EPHA5: variants seen among roughly 807,000 people sequenced by gnomAD.
The protein encoded by EPHA5 is ephrin type-A receptor 5.
Under a neutral mutation model 105.0 loss-of-function variants are expected in EPHA5, and 60 were observed. That is an observed-to-expected ratio of 0.57 (90% CI 0.46 to 0.71). The LOEUF (loss-of-function observed/expected upper bound fraction) is 0.71, where lower values mean the gene tolerates loss of function less well. EPHA5 is among the 30% of genes least tolerant of loss of function. The probability of loss-of-function intolerance (pLI) is 0.00; values close to 1 mark genes in which losing one functional copy is unlikely to be tolerated. For missense variants in EPHA5, 1,218 were observed against 1,274.7 expected (o/e 0.96, Z 0.68); for synonymous variants, 513 against 449.1 (o/e 1.14, Z -1.80).
intron 3 of EPHA5, among the ~76,000 whole-genome samples, chr4:65,574,631 T>TATATATATACATATATATATACAC (rs1176951291): frequency 1.8e-4 from 15 of 81,632 alleles, no homozygotes; most frequent in Middle Eastern, 7.8e-3. Context: ...TATATACACA[T>TATATATATACATATATATATACAC]ATATATATAC....
chr4:65,496,608 T>A (rs1486554967), intron 3 of EPHA5, among the ~76,000 whole-genome samples: 2 of 151,556 alleles, frequency 1.3e-5, no homozygotes, highest in African/African-American at 2.4e-5. Context: ...ATGTGCCACA[T>A]TTTCTTAATC....
At chr4:65,580,324 G>C (rs183733589) in intron 3 of EPHA5, among the ~76,000 whole-genome samples, 24 of 151,886 alleles carry the variant, frequency 1.6e-4, no homozygotes, top group Admixed American at 8.5e-4. Context: ...CTAATTAACA[G>C]TACTAATTAA....
intron 3 of EPHA5, chr4:65,573,719 G>A: frequency 6.3e-7 from 1 of 1,598,906 alleles, no homozygotes; most frequent in Non-Finnish European, 8.5e-7. Context: ...AGAAGGAGAA[G>A]GTTCTTGCAA....
chr4:65,400,277 T>A (rs1055929239), intron 8 of EPHA5, among the ~76,000 whole-genome samples: 2 of 152,186 alleles, frequency 1.3e-5, no homozygotes, highest in African/African-American at 4.8e-5. Flanking sequence ...AATTTCAATA[T>A]GCTGTGCATA....
intron 3 of EPHA5, among the ~76,000 whole-genome samples, chr4:65,505,277 G>T (rs181483621): frequency 6.6e-6 from 1 of 151,926 alleles, no homozygotes; most frequent in Non-Finnish European, 1.5e-5. Flanking sequence ...ATAGAAAAAA[G>T]ATATCTATCT....
At chr4:65,457,581 A>G (rs545524100) in intron 5 of EPHA5, among the ~76,000 whole-genome samples, 14 of 152,112 alleles carry the variant, frequency 9.2e-5, no homozygotes, top group African/African-American at 2.9e-4. Context: ...GGTGTCAAGA[A>G]CTCAAAATTT....
rs1577793336 is a variant in EPHA5 at position 65,319,713 on chromosome 4, C to T, written c.*4401G>A. The T allele has an allele frequency of 4.4e-6, 1 of 226,418 alleles. No homozygotes were observed. The highest frequency in any genetic ancestry group is 8.8e-6 in the Non-Finnish European group (1 of 113,766). The allele number at this position is 226,418 out of a possible 1,614,324, so 14.0% of individuals were successfully genotyped here. On this transcript the variant is annotated 3_prime_UTR_variant, in exon 17 of 17. Transcript: ENST00000613740. The stretch of plus-strand genomic sequence containing the variant: ...ATCCTTCTTTGAATTAACTGTGAGA[C>T]AGGAACTTGAGATAGCCTGATGTAT...
chr4:65,331,828 T>C (rs1720645675), intron 16 of EPHA5, 145 bp downstream of exon 16: 12 of 1,370,924 alleles, frequency 8.8e-6, no homozygotes, highest in Non-Finnish European at 1.1e-5. Context: ...TTGTTAACAA[T>C]ACAGGCTAAA....
In EPHA5 at chr4:65,343,500, T is replaced by C. The variant is rs565038826; in HGVS notation, c.2595+4554A>G. ...GTGGCAAAGCCCTTTAAGAATCAGA[T>C]AGCATCTGGAATGTAGAGATTATGG... On this transcript the variant is annotated intron_variant, in intron 14 of 16. Coordinates refer to ENST00000613740, the MANE Select transcript of EPHA5 (RefSeq NM_001281766.3). Among the ~76,000 whole-genome samples, 8 of 152,246 alleles carry C rather than the reference T, an allele frequency of 5.3e-5. No individual in the cohort carries two copies. In the South Asian group the frequency reaches 1.4e-3, roughly 28 times the overall value.
chr4:65,524,186 T>C (rs1183140840), intron 3 of EPHA5, among the ~76,000 whole-genome samples: 1 of 151,814 alleles, frequency 6.6e-6, no homozygotes, highest in Non-Finnish European at 1.5e-5. Context: ...AGCACTATAA[T>C]GTAAACATGT....
chr4:65,534,686 TA>T (rs1264411091), intron 3 of EPHA5, among the ~76,000 whole-genome samples: 7 of 152,184 alleles, frequency 4.6e-5, no homozygotes, highest in African/African-American at 1.7e-4. Context: ...TGATCTCAGA[TA>T]AATTACACAA....
intron 3 of EPHA5, among the ~76,000 whole-genome samples, chr4:65,552,716 T>G (rs1738037458): frequency 6.6e-6 from 1 of 152,156 alleles, no homozygotes; most frequent in African/African-American, 2.4e-5. Context: ...TTAAAAAATA[T>G]CAATCATGTT....
chr4:65,632,334 G>A lies in EPHA5; in HGVS notation c.246+11029C>T, dbSNP rs141299078. The stretch of plus-strand genomic sequence containing the variant: ...GGTTGTATATTTCACAACTCTAGGA[G>A]ACATCATTCAAACCGATGTTTTTTA... On this transcript the variant is annotated intron_variant, in intron 2 of 16. Transcript: ENST00000613740. Among the ~76,000 whole-genome samples, 329 of 152,104 alleles carry A rather than the reference G, an allele frequency of 2.2e-3. 1 individual carries two copies. The highest frequency in any genetic ancestry group is 3.1e-3 in the Non-Finnish European group (213 of 67,954).
rs1010609745 is a variant in EPHA5, at chr4:65,670,455, G to T, written c.-713C>A. The T allele has an allele frequency of 9.4e-5, 22 of 233,198 alleles. No individual in the cohort carries two copies. The highest frequency in any genetic ancestry group is 3.3e-4 in the African/African-American group (15 of 45,346). 14.4% of individuals were successfully genotyped at this position (233,198 alleles called of 1,614,324 possible). ...GTGTGTGCGCGGCTGCGAAGTCGAG[G>T]TTGAAACTGCACCGCCAAGGCGCGC... On this transcript the variant is annotated 5_prime_UTR_variant, in exon 1 of 17. Coordinates refer to ENST00000613740, the MANE Select transcript of EPHA5 (RefSeq NM_001281766.3).
intron 1 of EPHA5, among the ~76,000 whole-genome samples, chr4:65,654,198 T>C (rs62297736): frequency 0.59 from 88,006 of 150,348 alleles, 25,829 homozygotes; most frequent in Middle Eastern, 0.68. Context: ...TCTGTCTTCA[T>C]AGAACCCAAG....
In EPHA5 at chr4:65,566,928, T is replaced by G. The variant is rs375949505; in HGVS notation, c.910+34713A>C. Among the ~76,000 whole-genome samples the G allele has an allele frequency of 1.5e-4, 23 of 151,712 alleles. No homozygotes were observed. In the East Asian group the frequency reaches 2.3e-3, roughly 15 times the overall value. ...GAGGCTTGTTTTTGAGGGTAAATAGTGGGAATGTATATTTATGCATGGTCA... is the reference window on the plus strand; with the variant it reads ...GAGGCTTGTTTTTGAGGGTAAATAGGGGGAATGTATATTTATGCATGGTCA... On this transcript the variant is annotated intron_variant, in intron 3 of 16. Coordinates refer to ENST00000613740, the MANE Select transcript of EPHA5 (RefSeq NM_001281766.3).
intron 8 of EPHA5, among the ~76,000 whole-genome samples, chr4:65,400,880 T>C (rs1167517726): frequency 2.6e-5 from 4 of 152,120 alleles, no homozygotes. Context: ...TTTTGCAATG[T>C]ATCAAAATAA....
chr4:65,488,526 G>A (rs1271214585), intron 5 of EPHA5, among the ~76,000 whole-genome samples: 2 of 152,186 alleles, frequency 1.3e-5, no homozygotes, highest in African/African-American at 4.8e-5. Flanking sequence ...TAGATACAGT[G>A]ACAAAAAGTC....
intron 1 of EPHA5, 162 bp downstream of exon 1, chr4:65,669,400 G>A: frequency 2.0e-6 from 2 of 985,294 alleles, no homozygotes; most frequent in Non-Finnish European, 2.4e-6. Flanking sequence ...AACCGCAGAG[G>A]GGAGCGAAAA....
Sources: gnomAD v4.1 joint callset for allele counts (sites outside exome capture counted in the v4.1 genomes callset) on GRCh38, gnomAD v4.1.1 for gene constraint, MANE v1.5 for transcripts, NCBI Gene and HGNC (gene_info 2026-07-23, HGNC 2026-07-21) for gene names.